BSN: variants seen among roughly 807,000 people sequenced by gnomAD.
BSN encodes the protein protein bassoon.
BSN carries 57 observed loss-of-function variants against 264.8 expected under a neutral mutation model. That is an observed-to-expected ratio of 0.22 (90% CI 0.17 to 0.27). The LOEUF (loss-of-function observed/expected upper bound fraction) is 0.27. Among genes scored for constraint, BSN ranks in the 10% least tolerant of loss-of-function variants. The probability of loss-of-function intolerance (pLI) is 1.00; values close to 1 mark genes in which losing one functional copy is unlikely to be tolerated. For missense variants in BSN, 4,615 were observed against 5,232.5 expected (o/e 0.88, Z 3.64); for synonymous variants, 2,059 against 2,137.3 (o/e 0.96, Z 1.01).
intron 1 of BSN, among the ~76,000 whole-genome samples, chr3:49,620,057 T>C (rs775989609): frequency 1.3e-5 from 2 of 151,864 alleles, no homozygotes; most frequent in Non-Finnish European, 2.9e-5. Context: ...CAGAAGGTGC[T>C]CAGTGCCACA....
intron 1 of BSN, among the ~76,000 whole-genome samples, chr3:49,566,875 T>TG (rs1252879767): frequency 1.3e-5 from 2 of 151,802 alleles, no homozygotes; most frequent in African/African-American, 4.8e-5. Flanking sequence ...GTTTTTTTTT[T>TG]GCCTGATGAA....
Position 49,655,262 on chromosome 3 carries a change from C to T in BSN, c.5706C>T (p.Asp1902=). 1 of 1,613,146 alleles carries T rather than the reference C, an allele frequency of 6.2e-7. No individual in the cohort carries two copies. Among genetic ancestry groups the T allele is most frequent in the South Asian group, 1.1e-5 (1 of 91,086 alleles). Reference sequence around the variant, plus strand: ...CTGAGAGCCAGCTGGCATGCTGTGACATGGTCTACAAGCTCCCCTTTGGCA... The same window carrying T: ...CTGAGAGCCAGCTGGCATGCTGTGATATGGTCTACAAGCTCCCCTTTGGCA... ...MRPESQLACC[D]MVYKLPFGSS... Residue 1902 remains aspartate (D), a synonymous_variant, in exon 5 of 12, where the codon GAC becomes GAT. Coordinates refer to ENST00000296452, the MANE Select transcript of BSN (RefSeq NM_003458.4).
chr3:49,587,524 G>T (rs2051945556), intron 1 of BSN, among the ~76,000 whole-genome samples: 1 of 152,190 alleles, frequency 6.6e-6, no homozygotes, highest in Non-Finnish European at 1.5e-5. Context: ...ACAAACGAAA[G>T]AATGAAGCAA....
Position 49,653,155 on chromosome 3 carries a change from GGCA to G in BSN, c.3603_3605del (p.Gln1202del). ...ATGCGCAAAGCTGAGCTGCTCCAGA[GGCA>G]GCAAGGCCAGGCAGCAGGGGCCCGG... On this transcript the variant is annotated inframe_deletion, in exon 5 of 12. Transcript: ENST00000296452. This position sits in a 1 kb window ranked among gnomAD's most constrained non-coding sequence, Gnocchi z 6.3. The G allele has an allele frequency of 6.2e-7, 1 of 1,612,848 alleles. No individual in the cohort carries two copies. Among genetic ancestry groups the G allele is most frequent in the Non-Finnish European group, 8.5e-7 (1 of 1,179,856 alleles).
Position 49,664,822 on chromosome 3 carries a change from T to G in BSN, c.11764T>G (p.Phe3922Val), listed in dbSNP as rs1342091545. Reference sequence around the variant, plus strand: ...AGCTGTCTCTGCTTTTGGCAAAAAATTTTCCTCATTCTGGTGACCATGCCC... The same window carrying G: ...AGCTGTCTCTGCTTTTGGCAAAAAAGTTTCCTCATTCTGGTGACCATGCCC... ...TEAVSAFGKK[F>V]SSFW is the part of the protein sequence containing the mutation. The change falls in exon 10 of 12, where the codon TTT becomes GTT. Residue 3922 changes from phenylalanine (F) to valine (V), a missense_variant. Phe to Val is a conservative substitution (Grantham distance 50). Around this residue, in one of 3 missense-constraint regions of BSN, gnomAD observed 3,415 missense variants for 3,866.4 expected, o/e 0.88. Coordinates refer to ENST00000296452, the MANE Select transcript of BSN (RefSeq NM_003458.4). The G allele has an allele frequency of 6.2e-7, 1 of 1,613,234 alleles. No individual in the cohort carries two copies. The highest frequency in any genetic ancestry group is 8.5e-7 in the Non-Finnish European group (1 of 1,179,916).
chr3:49,660,547 C>T lies in BSN; in HGVS notation c.8702C>T (p.Pro2901Leu). 2 of 1,586,862 alleles carry T rather than the reference C, an allele frequency of 1.3e-6. No homozygotes were observed. Among genetic ancestry groups the T allele is most frequent in the Middle Eastern group, 1.7e-4 (1 of 5,898 alleles). ...GTGAAGCGGACACTGCCCAGCCCCCCTCCAGAGGAGGCTCACCTTCCCCTG... is the reference window on the plus strand; with the variant it reads ...GTGAAGCGGACACTGCCCAGCCCCCTTCCAGAGGAGGCTCACCTTCCCCTG... ...RKVKRTLPSPPPEEAHLPLAG... is the reference protein window; with the variant it reads ...RKVKRTLPSPLPEEAHLPLAG... The change falls in exon 6 of 12, where the codon CCT becomes CTT. Residue 2901 changes from proline (P) to leucine (L), a missense_variant. Physicochemically the swap from Pro to Leu is moderately conservative, Grantham distance 98 (BLOSUM62 -3). This residue lies in a region of BSN where 3,415 missense variants were observed against 3,866.4 expected (regional missense o/e 0.88). Coordinates refer to ENST00000296452, the MANE Select transcript of BSN (RefSeq NM_003458.4). This position sits in a 1 kb window ranked among gnomAD's most constrained non-coding sequence, Gnocchi z 7.1.
At chr3:49,639,453 C>T (rs949401913) in intron 2 of BSN, among the ~76,000 whole-genome samples, 2 of 152,168 alleles carry the variant, frequency 1.3e-5, no homozygotes, top group African/African-American at 2.4e-5. Context: ...CCGCCTCTGC[C>T]TCTCAAAGTG....
At chr3:49,579,377 G>A (rs1367174245) in intron 1 of BSN, among the ~76,000 whole-genome samples, 1 of 151,670 alleles carries the variant, frequency 6.6e-6, no homozygotes, top group African/African-American at 2.4e-5. Context: ...ATGATTTTAG[G>A]TATGGGTTTT....
intron 1 of BSN, among the ~76,000 whole-genome samples, chr3:49,606,098 C>CAT (rs1215611401): frequency 2.4e-4 from 11 of 45,512 alleles, no homozygotes; most frequent in South Asian, 1.8e-3. Context: ...TTATATATAA[C>CAT]ATATAATATA....
chr3:49,654,211 A>G lies in BSN; in HGVS notation c.4655A>G (p.Gln1552Arg). ...CGCCTGGTGTGGCAGGAGTCCTCTC[A>G]AGAGGCTCCCTTTATGGTCATCACG... is the stretch of plus-strand genomic sequence containing the variant. The part of the protein sequence containing the change: ...TPRLVWQESS[Q>R]EAPFMVITLA... The change falls in exon 5 of 12, where the codon CAA becomes CGA. Residue 1552 changes from glutamine to arginine, a missense_variant. By Grantham distance (43) the Gln-to-Arg change is conservative. This residue lies in a region of BSN where 3,415 missense variants were observed against 3,866.4 expected (regional missense o/e 0.88). Transcript: ENST00000296452. This position sits in a 1 kb window ranked among gnomAD's most constrained non-coding sequence, Gnocchi z 4.1. 1 of 1,613,834 alleles carries G rather than the reference A, an allele frequency of 6.2e-7. No homozygotes were observed.
In BSN at chr3:49,554,524, G is replaced by T. The variant is rs1575421931; in HGVS notation, c.-79G>T. The T allele has an allele frequency of 1.1e-5, 5 of 448,290 alleles. No homozygotes were observed. Among genetic ancestry groups the T allele is most frequent in the African/African-American group, 4.3e-5 (2 of 46,568 alleles). The allele number at this position is 448,290 out of a possible 1,614,324, so 27.8% of individuals were successfully genotyped here. ...GGGAGATGGCGGCGGCAGCGGCGGC[G>T]CCGAGAGTGTGAGCACCGCCCGGGA... On this transcript the variant is annotated 5_prime_UTR_variant, in exon 1 of 12. Coordinates refer to ENST00000296452, the MANE Select transcript of BSN (RefSeq NM_003458.4).
chr3:49,602,602 C>A (rs1175080185), intron 1 of BSN, among the ~76,000 whole-genome samples: 2 of 152,096 alleles, frequency 1.3e-5, no homozygotes, highest in East Asian at 3.9e-4. Context: ...CACACCACCA[C>A]GCCCAGCTAA....
Position 49,650,837 on chromosome 3 carries a change from C to G in BSN, c.1744C>G (p.Leu582Val), listed in dbSNP as rs775135405. The G allele has an allele frequency of 6.2e-7, 1 of 1,614,176 alleles. No individual in the cohort carries two copies. The highest frequency in any genetic ancestry group is 8.5e-7 in the Non-Finnish European group (1 of 1,179,994). ...ASPLSTKASP[L>V]PSKASPQAKP... ...CCCTCTATCCACCAAGGCCAGCCCT[C>G]TGCCCAGCAAGGCCAGCCCCCAGGC... Residue 582 changes from leucine to valine, a missense_variant, in exon 4 of 12, where the codon CTG becomes GTG. Physicochemically the swap from Leu to Val is conservative, Grantham distance 32. Transcript: ENST00000296452.
rs1366012402 is a variant in BSN, at chr3:49,605,463, ATATATAATATATAT to A, written c.225-19491_225-19478del. Among the ~76,000 whole-genome samples, 46 of 11,454 alleles carry A rather than the reference ATATATAATATATAT, an allele frequency of 4.0e-3. 2 individuals are homozygous for A. The Middle Eastern group carries it at 0.11, about 27-fold the overall frequency. The allele number at this position is 11,454 out of a possible 152,430, so 7.5% of individuals were successfully genotyped here. On this transcript the variant is annotated intron_variant, in intron 1 of 11. Coordinates refer to ENST00000296452, the MANE Select transcript of BSN (RefSeq NM_003458.4). Reference sequence around the variant, plus strand: ...TTATATATATTATATAATATATATTATATATAATATATATTATATAATATATATTATATATAATA... The same window carrying A: ...TTATATATATTATATAATATATATTATATATAATATATATTATATATAATA...
intron 3 of BSN, among the ~76,000 whole-genome samples, chr3:49,647,257 C>G (rs2052508611): frequency 6.6e-6 from 1 of 152,226 alleles, no homozygotes; most frequent in African/African-American, 2.4e-5. Context: ...CTCTCACGTG[C>G]CTAGAGGGCA....
Position 49,660,994 on chromosome 3 carries a change from C to T in BSN, c.9149C>T (p.Ala3050Val), listed in dbSNP as rs2052649005. ...AAPATPSGPT[A>V]FQQPRFQPPA... ...CCTGCCACCCCCTCTGGTCCCACTG[C>T]CTTCCAGCAGCCCCGCTTCCAGCCT... The change falls in exon 6 of 12, where the codon GCC becomes GTC. Residue 3050 changes from alanine to valine, a missense_variant. This residue lies in a region of BSN where 3,415 missense variants were observed against 3,866.4 expected (regional missense o/e 0.88). Coordinates refer to ENST00000296452, the MANE Select transcript of BSN (RefSeq NM_003458.4). The surrounding 1 kb of genome is among the most constrained non-coding windows in gnomAD (Gnocchi z 7.1). 5.0e-6 allele frequency: 8 copies of T among 1,611,260 alleles called. No individual in the cohort carries two copies. The highest frequency in any genetic ancestry group is 5.9e-6 in the Non-Finnish European group (7 of 1,179,946).
In BSN at chr3:49,554,691, G is replaced by A. The variant is rs1383583644; in HGVS notation, c.89G>A (p.Gly30Asp). The change falls in exon 1 of 12, where the codon GGC (glycine) becomes GAC (aspartate). Residue 30 changes from glycine (G) to aspartate (D), a missense_variant. Physicochemically the swap from Gly to Asp is moderately conservative, Grantham distance 94. Around this residue, in one of 3 missense-constraint regions of BSN, gnomAD observed 1,197 missense variants for 1,348.0 expected, o/e 0.89. Transcript: ENST00000296452. ...GAGPGPGPGP[G>D]PGAGKPPSAP... ...GGCCCCGGCCCGGGCCCCGGCCCCG[G>A]CCCCGGCGCAGGAAAGCCGCCTTCA... The A allele has an allele frequency of 2.7e-6, 3 of 1,096,546 alleles. No homozygotes were observed. Among genetic ancestry groups the A allele is most frequent in the Non-Finnish European group, 3.3e-6 (3 of 899,890 alleles). 67.9% of individuals were successfully genotyped at this position (1,096,546 alleles called of 1,614,324 possible). A position where few individuals can be genotyped will look rare whatever the true frequency, so the allele number is the denominator to read the frequency against.
chr3:49,616,818 G>C (rs2052262980), intron 1 of BSN, among the ~76,000 whole-genome samples: 1 of 152,142 alleles, frequency 6.6e-6, no homozygotes, highest in African/African-American at 2.4e-5. Context: ...CCTTTCTGGG[G>C]GCTTCTGACA....
At chr3:49,648,997 A>G (rs960831027) in intron 3 of BSN, among the ~76,000 whole-genome samples, 1 of 152,166 alleles carries the variant, frequency 6.6e-6, no homozygotes, top group African/African-American at 2.4e-5. Flanking sequence ...CTGTCCCTCA[A>G]CACACACCAA....
Sources: gnomAD v4.1 joint callset for allele counts (sites outside exome capture counted in the v4.1 genomes callset) on GRCh38, gnomAD v4.1.1 for gene constraint, gnomAD v4.1.1 regional missense constraint, Gnocchi (gnomAD v3.1) non-coding constraint, MANE v1.5 for transcripts, NCBI Gene and HGNC (gene_info 2026-07-23, HGNC 2026-07-21) for gene names.